Variants in SYN1 observed in about 807,000 individuals in gnomAD.
SYN1 encodes the protein synapsin I.
A neutral mutation model predicts 44.6 loss-of-function variants in SYN1; 8 were observed. The observed-to-expected ratio is 0.18, with a 90% confidence interval of 0.11 to 0.32. SYN1 has a LOEUF of 0.32. Among genes scored for constraint, SYN1 ranks in the 10% least tolerant of loss-of-function variants. The pLI, the probability that SYN1 is intolerant of heterozygous loss-of-function variation, is 1.00. For synonymous variants in SYN1, 275 were observed against 280.1 expected (o/e 0.98, Z 0.18); for missense variants, 451 against 639.4 (o/e 0.71, Z 3.18).
chrX:47,585,258 C>T (rs1478166789), intron 5 of SYN1: 1 of 1,208,670 alleles, frequency 8.3e-7, no homozygotes, highest in Non-Finnish European at 1.1e-6. Context: ...GGTTCGTCTA[C>T]ACCCCCGCCA....
intron 5 of SYN1, among the ~76,000 whole-genome samples, chrX:47,578,813 C>T (rs765902118): frequency 1.8e-5 from 2 of 111,229 alleles, no homozygotes; most frequent in Non-Finnish European, 3.8e-5. Context: ...TCCCAGTTCC[C>T]GACAGGCACA....
chrX:47,607,034 G>A lies in SYN1; in HGVS notation c.438C>T (p.Ala146=), dbSNP rs1445481586. The part of the protein sequence containing the change: ...HGEIDIKVEQ[A]EFSDLNLVAH... The stretch of plus-strand genomic sequence containing the variant: ...CCACAAGGTTGAGATCAGAGAATTC[G>A]GCCTGGGAAGGAGAAAAAAACTGGT... Residue 146 remains alanine, a splice_region_variant and synonymous_variant, in exon 3 of 13, where the codon GCC becomes GCT. Transcript: ENST00000295987. 11 of 1,210,244 alleles carry A rather than the reference G, an allele frequency of 9.1e-6. No homozygotes were observed. Among genetic ancestry groups the A allele is most frequent in the African/African-American group, 1.7e-5 (1 of 57,583 alleles).
intron 5 of SYN1, 200 bp downstream of exon 5, chrX:47,604,778 T>C: frequency 1.1e-5 from 5 of 460,849 alleles, no homozygotes; most frequent in Non-Finnish European, 1.5e-5. Flanking sequence ...CTGATACATA[T>C]TAGAATGGAT....
intron 5 of SYN1, among the ~76,000 whole-genome samples, chrX:47,580,769 C>G (rs1255803514): frequency 9.1e-6 from 1 of 110,282 alleles, no homozygotes; most frequent in Non-Finnish European, 1.9e-5. Context: ...CCCGTCTCTA[C>G]TAAAACTACA....
At chrX:47,584,293 T>G (rs760490188) in intron 5 of SYN1, among the ~76,000 whole-genome samples, 5 of 110,453 alleles carry the variant, frequency 4.5e-5, no homozygotes, top group Non-Finnish European at 9.5e-5. Flanking sequence ...GATGATCAGG[T>G]ATTGAGGATG....
At position 47,574,231 on chromosome X, in the gene SYN1, G is replaced by A; in HGVS notation, c.1753C>T (p.Gln585Ter). The change falls in exon 12 of 13, where the codon CAG (glutamine) becomes TAG (stop). Residue 585 changes from glutamine (Q) to a stop codon, truncating the protein, a stop_gained. Transcript: ENST00000295987. LOFTEE classifies it high-confidence loss of function. ...TTCTGGGGCGGGCCCTGGCGCTGCTGCCCGCCCGGTGGGGCCCCAGAGGCC... is the reference window on the plus strand; with the variant it reads ...TTCTGGGGCGGGCCCTGGCGCTGCTACCCGCCCGGTGGGGCCCCAGAGGCC... ...PKASGAPPGG[Q>*]QRQGPPQKPP... 9.1e-7 allele frequency: 1 copy of A among 1,093,684 alleles called. No individual in the cohort carries two copies. 90.1% of individuals were successfully genotyped at this position (1,093,684 alleles called of 1,213,427 possible). A position where few individuals can be genotyped will look rare whatever the true frequency, so the allele number is the denominator to read the frequency against.
intron 5 of SYN1, among the ~76,000 whole-genome samples, chrX:47,580,185 C>CTT (rs749909509): frequency 2.2e-5 from 2 of 88,919 alleles, no homozygotes; most frequent in Non-Finnish European, 4.5e-5. Flanking sequence ...TAGAACAGTG[C>CTT]TTTTTTTTTT....
intron 1 of SYN1, among the ~76,000 whole-genome samples, chrX:47,612,326 T>TCCAG (rs2057918824): frequency 9.0e-6 from 1 of 110,591 alleles, no homozygotes; most frequent in African/African-American, 3.3e-5. Flanking sequence ...GTTCCCATTA[T>TCCAG]AAGCTGGGTC....
At chrX:47,615,037 G>T (rs1231528942) in intron 1 of SYN1, among the ~76,000 whole-genome samples, 1 of 110,713 alleles carries the variant, frequency 9.0e-6, no homozygotes, top group Non-Finnish European at 1.9e-5. Flanking sequence ...AGAGTCTCGG[G>T]GTCTGCTTCC....
chrX:47,582,472 G>C (rs1304469082), intron 5 of SYN1: 1 of 280,496 alleles, frequency 3.6e-6, no homozygotes, highest in Non-Finnish European at 7.2e-6. Flanking sequence ...AGAGACACCA[G>C]AGGTAAGCAG....
rs772345141 is a variant in SYN1, at chrX:47,605,038, T to G, written c.714A>C (p.Lys238Asn). 3.3e-6 allele frequency: 4 copies of G among 1,211,784 alleles called. No individual in the cohort carries two copies. Among genetic ancestry groups the G allele is most frequent in the Non-Finnish European group, 3.4e-6 (3 of 895,446 alleles). ...TTAGAGGGAATTCTTCTGTCCCCAG[T>G]TTCTTATGCAGTCGAACCATCTGGG... ...VFAQMVRLHK[K>N]LGTEEFPLID... Residue 238 changes from lysine (K) to asparagine (N), a missense_variant, in exon 5 of 13, where the codon AAA (lysine) becomes AAC (asparagine). Lys to Asn is a moderately conservative substitution (Grantham distance 94). This residue lies in a region of SYN1 where 315 missense variants were observed against 451.4 expected (regional missense o/e 0.70). Transcript: ENST00000295987.
chrX:47,614,805 C>T (rs1023157028), intron 1 of SYN1, among the ~76,000 whole-genome samples: 4 of 112,187 alleles, frequency 3.6e-5, no homozygotes, highest in Admixed American at 9.4e-5. Flanking sequence ...AGCCTACAGC[C>T]AATGACTGAC....
intron 5 of SYN1, among the ~76,000 whole-genome samples, chrX:47,598,371 T>C (rs1261012858): frequency 9.1e-6 from 1 of 109,444 alleles, no homozygotes; most frequent in African/African-American, 3.4e-5. Context: ...AATAATGATG[T>C]TAATTGTAAT....
intron 5 of SYN1, among the ~76,000 whole-genome samples, chrX:47,578,877 C>T (rs746482106): frequency 3.1e-4 from 34 of 111,455 alleles, no homozygotes; most frequent in African/African-American, 1.1e-3. Context: ...CCTCTGCACA[C>T]CCCCCCTTCC....
At chrX:47,609,005 G>GACACACACACAC (rs757667668) in intron 1 of SYN1, among the ~76,000 whole-genome samples, 4,463 of 87,270 alleles carry the variant, frequency 0.051, 119 homozygotes, top group Non-Finnish European at 0.056. Context: ...CTCTCTCTCT[G>GACACACACACAC]ACACACACAC....
chrX:47,591,103 C>T (rs748826531), intron 5 of SYN1, among the ~76,000 whole-genome samples: 16 of 111,272 alleles, frequency 1.4e-4, no homozygotes, highest in African/African-American at 4.6e-4. Flanking sequence ...CAGGCTGGTC[C>T]GGAACTCCTA....
intron 5 of SYN1, among the ~76,000 whole-genome samples, chrX:47,592,031 C>T (rs913797823): frequency 7.2e-5 from 8 of 111,653 alleles, no homozygotes; most frequent in Non-Finnish European, 1.5e-4. Context: ...GGGTCAGCAT[C>T]ACACTATTTA....
At chrX:47,615,037 G>A (rs1231528942) in intron 1 of SYN1, among the ~76,000 whole-genome samples, 6 of 110,713 alleles carry the variant, frequency 5.4e-5, no homozygotes, top group Non-Finnish European at 1.1e-4. Context: ...AGAGTCTCGG[G>A]GTCTGCTTCC....
At chrX:47,592,489 G>A (rs867535571) in intron 5 of SYN1, among the ~76,000 whole-genome samples, 1 of 110,819 alleles carries the variant, frequency 9.0e-6, no homozygotes, top group Non-Finnish European at 1.9e-5. Flanking sequence ...TTGCATGTTC[G>A]CTTTTCCATA....
Sources: gnomAD v4.1 joint callset for allele counts (sites outside exome capture counted in the v4.1 genomes callset) on GRCh38, gnomAD v4.1.1 for gene constraint, gnomAD v4.1.1 regional missense constraint, MANE v1.5 for transcripts, NCBI Gene and HGNC (gene_info 2026-07-23, HGNC 2026-07-21) for gene names.